Variants in FAM227B observed in about 807,000 individuals in gnomAD.
FAM227B encodes the protein family with sequence similarity 227 member B, also known as protein FAM227B.
Under a neutral mutation model 73.8 loss-of-function variants are expected in FAM227B, and 88 were observed. That is an observed-to-expected ratio of 1.19 (90% CI 1.00 to 1.42). The LOEUF (loss-of-function observed/expected upper bound fraction) is 1.42. FAM227B is among the 40% of genes most tolerant of loss of function. The probability of loss-of-function intolerance (pLI) is 0.00; values close to 1 mark genes in which losing one functional copy is unlikely to be tolerated. For missense variants in FAM227B, 632 were observed against 590.9 expected (o/e 1.07, Z -0.72); for synonymous variants, 210 against 190.5 (o/e 1.10, Z -0.84).
intron 11 of FAM227B, among the ~76,000 whole-genome samples, chr15:49,408,333 G>A (rs1305116120): frequency 6.6e-6 from 1 of 152,186 alleles, no homozygotes; most frequent in Non-Finnish European, 1.5e-5. Flanking sequence ...TAAGCAACTT[G>A]TGCAAATTTT....
At chr15:49,456,782 A>C (rs1389333055) in intron 11 of FAM227B, among the ~76,000 whole-genome samples, 2 of 152,098 alleles carry the variant, frequency 1.3e-5, no homozygotes. Flanking sequence ...TTGACAGGTG[A>C]TGGGAAGTCA....
chr15:49,543,801 T>A (rs60985664), intron 9 of FAM227B, among the ~76,000 whole-genome samples: 3,005 of 152,260 alleles, frequency 0.02, 121 homozygotes, highest in African/African-American at 0.069. Context: ...CAAAGATCAG[T>A]TGGCTGTAAG....
At chr15:49,579,860 T>C (rs2075702181) in intron 5 of FAM227B, among the ~76,000 whole-genome samples, 1 of 152,152 alleles carries the variant, frequency 6.6e-6, no homozygotes, top group Admixed American at 6.5e-5. Flanking sequence ...TCATTACACA[T>C]TGCATGCATG....
intron 11 of FAM227B, among the ~76,000 whole-genome samples, chr15:49,402,436 G>T (rs1237338346): frequency 1.3e-5 from 2 of 152,126 alleles, no homozygotes; most frequent in South Asian, 4.1e-4. Flanking sequence ...CCATTTGTTT[G>T]TGTCCTCCAA....
intron 3 of FAM227B, among the ~76,000 whole-genome samples, chr15:49,596,686 G>C (rs1410706506): frequency 6.6e-6 from 1 of 151,874 alleles, no homozygotes; most frequent in African/African-American, 2.4e-5. Context: ...TGGCAGAATG[G>C]ATAAGAATTC....
intron 9 of FAM227B, among the ~76,000 whole-genome samples, chr15:49,560,308 C>A (rs1347819420): frequency 4.6e-5 from 7 of 151,898 alleles, no homozygotes; most frequent in Admixed American, 4.6e-4. Context: ...TTTGAACTAA[C>A]CCAGTCAGAC....
intron 13 of FAM227B, among the ~76,000 whole-genome samples, chr15:49,337,691 C>G (rs1231496181): frequency 6.6e-6 from 1 of 151,408 alleles, no homozygotes; most frequent in Non-Finnish European, 1.5e-5. Flanking sequence ...ACCCCCTCAA[C>G]AGGCCCCCTG....
At chr15:49,589,748 A>G in intron 4 of FAM227B, 28 bp downstream of exon 4, 1 of 1,376,612 alleles carries the variant, frequency 7.3e-7, no homozygotes, top group Non-Finnish European at 1.0e-6. Context: ...CTCCATTTCT[A>G]TAAAAGATAA....
At chr15:49,487,517 T>C (rs1372840747) in intron 11 of FAM227B, 5 of 151,846 alleles carry the variant, frequency 3.3e-5, no homozygotes, top group African/African-American at 4.8e-5. Flanking sequence ...ATGCTGGAGG[T>C]AAATTCTTAG....
intron 9 of FAM227B, among the ~76,000 whole-genome samples, chr15:49,543,836 C>T (rs771981308): frequency 3.9e-5 from 6 of 152,122 alleles, no homozygotes; most frequent in Non-Finnish European, 8.8e-5. Flanking sequence ...TCAGTGTTTT[C>T]TATGCTCTTC....
In FAM227B at chr15:49,396,655, C is replaced by T. The variant is rs543211044; in HGVS notation, c.1013-25256G>A. ...CAGCACCCAGCTGGAGATCTGAGAA[C>T]GGGCAGACTGCCTCCTCAAGTGGGT... On this transcript the variant is annotated intron_variant, in intron 11 of 15. Coordinates refer to ENST00000299338, the MANE Select transcript of FAM227B (RefSeq NM_152647.3). 1.2e-3 allele frequency among the ~76,000 whole-genome samples: 185 copies of T among 151,942 alleles called. 1 individual carries two copies. Among genetic ancestry groups the T allele is most frequent in the African/African-American group, 4.0e-3 (164 of 41,486 alleles).
chr15:49,444,034 G>A (rs2051940286), intron 11 of FAM227B, among the ~76,000 whole-genome samples: 1 of 151,702 alleles, frequency 6.6e-6, no homozygotes, highest in African/African-American at 2.4e-5. Flanking sequence ...AATAGCAGGT[G>A]TAAACTAACA....
At chr15:49,549,910 G>A (rs1221791736) in intron 9 of FAM227B, among the ~76,000 whole-genome samples, 2 of 110,718 alleles carry the variant, frequency 1.8e-5, no homozygotes, top group Admixed American at 9.9e-5. Context: ...CCGGGCGGGG[G>A]GCTGACCCCC....
chr15:49,591,558 TCGC>T (rs2076578721), intron 3 of FAM227B, among the ~76,000 whole-genome samples: 1 of 135,896 alleles, frequency 7.4e-6, no homozygotes, highest in African/African-American at 2.8e-5. Flanking sequence ...CGATCTTGGC[TCGC>T]CACAACCTCC....
Position 49,328,293 on chromosome 15 carries a change from C to A in FAM227B, c.*275G>T. The A allele has an allele frequency of 7.0e-7, 1 of 1,438,248 alleles. No individual in the cohort carries two copies. Among genetic ancestry groups the A allele is most frequent in the Non-Finnish European group, 9.1e-7 (1 of 1,098,748 alleles). 89.1% of individuals were successfully genotyped at this position (1,438,248 alleles called of 1,614,324 possible). A position where few individuals can be genotyped will look rare whatever the true frequency, so the allele number is the denominator to read the frequency against. The stretch of plus-strand genomic sequence containing the variant: ...TTGCTATTATATCAAGATATATTTT[C>A]AAAGAAATGGTTGAAAGCTCTCTAT... On this transcript the variant is annotated 3_prime_UTR_variant, in exon 16 of 16. Coordinates refer to ENST00000299338, the MANE Select transcript of FAM227B (RefSeq NM_152647.3).
chr15:49,408,110 T>A (rs1410009021), intron 11 of FAM227B, among the ~76,000 whole-genome samples: 1 of 152,230 alleles, frequency 6.6e-6, no homozygotes, highest in African/African-American at 2.4e-5. Context: ...ACAGTAATTA[T>A]TTCAGGGAGG....
At chr15:49,358,865 G>C (rs1456752767) in intron 13 of FAM227B, among the ~76,000 whole-genome samples, 3 of 150,682 alleles carry the variant, frequency 2.0e-5, no homozygotes, top group African/African-American at 7.3e-5. Flanking sequence ...AACCAAAACA[G>C]CATGGTACTG....
intron 11 of FAM227B, among the ~76,000 whole-genome samples, chr15:49,428,892 G>T (rs946586186): frequency 2.6e-5 from 4 of 151,956 alleles, no homozygotes; most frequent in African/African-American, 9.7e-5. Flanking sequence ...GACTGTGATG[G>T]GATATGGCCT....
chr15:49,537,655 A>G (rs965965852), intron 10 of FAM227B, among the ~76,000 whole-genome samples: 5 of 152,162 alleles, frequency 3.3e-5, no homozygotes, highest in Admixed American at 2.6e-4. Context: ...GCCAAGGTAT[A>G]GAAACAGCCT....
Sources: gnomAD v4.1 joint callset for allele counts (sites outside exome capture counted in the v4.1 genomes callset) on GRCh38, gnomAD v4.1.1 for gene constraint, MANE v1.5 for transcripts, NCBI Gene and HGNC (gene_info 2026-07-23, HGNC 2026-07-21) for gene names.